The following C1orf52 variants were observed in gnomAD, a reference collection of about 807,000 sequenced individuals.
C1orf52 encodes chromosome 1 open reading frame 52, also known as UPF0690 protein C1orf52.
Under a neutral mutation model 17.2 loss-of-function variants are expected in C1orf52, and 5 were observed. The ratio of observed to expected loss-of-function variants is 0.29; its 90% CI spans 0.15 to 0.61. The LOEUF (loss-of-function observed/expected upper bound fraction) is 0.61, where lower values mean the gene tolerates loss of function less well. Among genes scored for constraint, C1orf52 ranks in the 20% least tolerant of loss-of-function variants. The pLI, the probability that C1orf52 is intolerant of heterozygous loss-of-function variation, is 0.85. For missense variants in C1orf52, 245 were observed against 234.1 expected, an observed-to-expected ratio of 1.05 and a Z score of -0.30; for synonymous variants, 110 against 88.0, an observed-to-expected ratio of 1.25 and a Z score of -1.40.
chr1:85,254,201 C>T (rs1659869770), intron 2 of C1orf52, among the ~76,000 whole-genome samples: 2 of 152,118 alleles, frequency 1.3e-5, no homozygotes, highest in African/African-American at 2.4e-5. Flanking sequence ...AAGCACAGCA[C>T]GGTGATGTTA....
intron 2 of C1orf52, among the ~76,000 whole-genome samples, chr1:85,256,047 G>C (rs1374283890): frequency 6.6e-6 from 1 of 152,186 alleles, no homozygotes. Flanking sequence ...AAAGATGTGA[G>C]AGCACCAGCC....
rs558705581 is a variant in C1orf52 at position 85,259,445 on chromosome 1, A to C, written c.189T>G (p.Phe63Leu). The C allele has an allele frequency of 1.2e-6, 2 of 1,614,012 alleles. No individual in the cohort carries two copies. The highest frequency in any genetic ancestry group is 1.1e-5 in the South Asian group (1 of 91,070). The change falls in exon 1 of 3, where the codon TTT becomes TTG. Residue 63 changes from phenylalanine to leucine, a missense_variant. By Grantham distance (22) the Phe-to-Leu change is conservative (BLOSUM62 0). Transcript: ENST00000471115. ...EKRLPGPDELFRSVTRPAFLY... is the reference protein window; with the variant it reads ...EKRLPGPDELLRSVTRPAFLY... ...GAAAGGCCGGGCGAGTCACGCTCCT[A>C]AACAGCTCGTCAGGTCCCGGGAGCC...
At position 85,252,521 on chromosome 1, in the gene C1orf52, G is replaced by A. The variant is rs1444188493; in HGVS notation, c.*108C>T. On this transcript the variant is annotated 3_prime_UTR_variant, in exon 3 of 3. Coordinates refer to ENST00000471115, the MANE Select transcript of C1orf52 (RefSeq NM_198077.4). ...AGGCAATACTTATTAGTTCATTAAC[G>A]TATGCATTTTCATGGAGATGTGGCA... 1.3e-5 allele frequency: 11 copies of A among 831,172 alleles called. No homozygotes were observed. Among genetic ancestry groups the A allele is most frequent in the Non-Finnish European group, 2.0e-5 (10 of 501,452 alleles). 51.5% of individuals were successfully genotyped at this position (831,172 alleles called of 1,614,324 possible). A position where few individuals can be genotyped will look rare whatever the true frequency, so the allele number is the denominator to read the frequency against.
At chr1:85,253,305 C>T (rs1659847954) in intron 2 of C1orf52, among the ~76,000 whole-genome samples, 1 of 152,090 alleles carries the variant, frequency 6.6e-6, no homozygotes, top group Non-Finnish European at 1.5e-5. Context: ...AAATAGGTAT[C>T]ACTCTAACGA....
At chr1:85,259,133 G>A (rs1660023760) in intron 1 of C1orf52, 1 of 1,253,386 alleles carries the variant, frequency 8.0e-7, no homozygotes, top group Non-Finnish European at 1.1e-6. Flanking sequence ...CGAGCGCGGA[G>A]GTTTGGGTCT....
In C1orf52 at chr1:85,258,130, G is replaced by A. The variant is rs201965310; in HGVS notation, c.475+394C>T. On this transcript the variant is annotated intron_variant, in intron 2 of 2. Transcript: ENST00000471115. ...AGCGAAATGCTGTCTCAAAAAAAAA[G>A]AAAAAAAAAAAGAAAAAGAAGAAAA... Among the ~76,000 whole-genome samples, 451 of 138,498 alleles carry A rather than the reference G, an allele frequency of 3.3e-3. 2 individuals carry two copies. Among genetic ancestry groups the A allele is most frequent in the African/African-American group, 5.2e-3 (198 of 37,894 alleles). The allele number at this position is 138,498 out of a possible 152,430, so 90.9% of individuals were successfully genotyped here. A position where few individuals can be genotyped will look rare whatever the true frequency, so the allele number is the denominator to read the frequency against.
Position 85,258,535 on chromosome 1 carries a change from G to T in C1orf52, c.464C>A (p.Thr155Lys). The change falls in exon 2 of 3, where the codon ACG becomes AAG. Residue 155 changes from threonine to lysine, a missense_variant. Thr to Lys is a moderately conservative substitution (Grantham distance 78, BLOSUM62 -1). Coordinates refer to ENST00000471115, the MANE Select transcript of C1orf52 (RefSeq NM_198077.4). ...KARLLPEGEE[T>K]LESDDEKDEH... ...CTGACTTTCCTTACCTGATTCCAAC[G>T]TCTCCTCCCCTTCTGGTAGAAGCCT... 1 of 1,613,638 alleles carries T rather than the reference G, an allele frequency of 6.2e-7. No individual in the cohort carries two copies. The highest frequency in any genetic ancestry group is 8.5e-7 in the Non-Finnish European group (1 of 1,179,782).
At chr1:85,252,812 G>T in intron 2 of C1orf52, 110 bp from the exon 3 acceptor site, 5 of 667,136 alleles carry the variant, frequency 7.5e-6, no homozygotes, top group South Asian at 3.8e-5. Flanking sequence ...ATCAATTAAT[G>T]TTTCTCTCAG....
rs747666076 is a variant in C1orf52 at position 85,259,371 on chromosome 1, T to G, written c.263A>C (p.Lys88Thr). The G allele has an allele frequency of 6.1e-5, 98 of 1,611,248 alleles. No homozygotes were observed. Among genetic ancestry groups the G allele is most frequent in the Non-Finnish European group, 7.8e-5 (92 of 1,177,736 alleles). The part of the protein sequence containing the change: ...KQIDWERHVV[K>T]APEEPPKEFK... ...CGGGGACCTCACCTCCTCAGGCGCC[T>G]TGACGACGTGCCTCTCCCAGTCTAT... Residue 88 changes from lysine to threonine, a missense_variant, in exon 1 of 3, where the codon AAG (lysine) becomes ACG (threonine). Lys to Thr is a moderately conservative substitution (Grantham distance 78). Transcript: ENST00000471115.
At chr1:85,258,416 T>C (rs918807858) in intron 2 of C1orf52, 108 bp downstream of exon 2, 18 of 1,036,302 alleles carry the variant, frequency 1.7e-5, no homozygotes, top group Middle Eastern at 2.2e-4. Flanking sequence ...ACCATCAAAT[T>C]AGTTTGTCAA....
rs780068052 is a variant in C1orf52, at chr1:85,259,466, G to C, written c.168C>G (p.Leu56=). The C allele has an allele frequency of 5.0e-6, 8 of 1,613,980 alleles. No individual in the cohort carries two copies. Among genetic ancestry groups the C allele is most frequent in the Non-Finnish European group, 6.8e-6 (8 of 1,180,014 alleles). ...TCCTAAACAGCTCGTCAGGTCCCGGGAGCCGCTTCTCCGCCTTGTTCCTAC... is the reference window on the plus strand; with the variant it reads ...TCCTAAACAGCTCGTCAGGTCCCGGCAGCCGCTTCTCCGCCTTGTTCCTAC... The part of the protein sequence containing the change: ...GGCRNKAEKR[L]PGPDELFRSV... Residue 56 remains leucine (L), a synonymous_variant, in exon 1 of 3, where the codon CTC becomes CTG. Coordinates refer to ENST00000471115, the MANE Select transcript of C1orf52 (RefSeq NM_198077.4).
intron 2 of C1orf52, 30 bp downstream of exon 2, chr1:85,258,494 A>G (rs1288374074): frequency 6.4e-7 from 1 of 1,573,922 alleles, no homozygotes; most frequent in Non-Finnish European, 8.7e-7. Flanking sequence ...GGATCAAAAT[A>G]GACCACCATC....
Position 85,250,649 on chromosome 1 carries a change from AAG to A in C1orf52, c.*1978_*1979del, listed in dbSNP as rs1018221794. ...AACATACTCTGCACATCTCCCAGGA[AAG>A]AGAGAAAAAAGTTTGCTTTCATGCT... On this transcript the variant is annotated 3_prime_UTR_variant, in exon 3 of 3. Transcript: ENST00000471115. 3.9e-5 allele frequency: 6 copies of A among 152,226 alleles called. No homozygotes were observed. Among genetic ancestry groups the A allele is most frequent in the Admixed American group, 6.5e-5 (1 of 15,284 alleles). The allele number at this position is 152,226 out of a possible 1,614,324, so 9.4% of individuals were successfully genotyped here.
At position 85,259,586 on chromosome 1, in the gene C1orf52, C is replaced by G; in HGVS notation, c.48G>C (p.Gly16=). The G allele has an allele frequency of 3.1e-6, 5 of 1,597,804 alleles. No homozygotes were observed. Among genetic ancestry groups the G allele is most frequent in the Non-Finnish European group, 4.3e-6 (5 of 1,173,066 alleles). The part of the protein sequence containing the change: ...KDPLSYFAAY[G]SSSSGSSDEE... ...CGTCCGAGGAGCCTGAGCTGCTGCT[C>G]CCGTATGCCGCAAAATAGCTCAGAG... The change falls in exon 1 of 3, where the codon GGG becomes GGC. Residue 16 remains glycine (G), a synonymous_variant. Transcript: ENST00000471115.
At position 85,252,104 on chromosome 1, in the gene C1orf52, A is replaced by T. The variant is rs182282881; in HGVS notation, c.*525T>A. On this transcript the variant is annotated 3_prime_UTR_variant, in exon 3 of 3. Coordinates refer to ENST00000471115, the MANE Select transcript of C1orf52 (RefSeq NM_198077.4). ...ACACAGGAGGCACTCTTTAAATGGT[A>T]ATACTTCTTATTACAACTTAAAATG... The T allele has an allele frequency of 6.5e-6, 1 of 152,846 alleles. No homozygotes were observed. Among genetic ancestry groups the T allele is most frequent in the East Asian group, 1.9e-4 (1 of 5,202 alleles). The allele number at this position is 152,846 out of a possible 1,614,324, so 9.5% of individuals were successfully genotyped here. A position where few individuals can be genotyped will look rare whatever the true frequency, so the allele number is the denominator to read the frequency against.
intron 2 of C1orf52, chr1:85,257,407 G>A (rs1298632797): frequency 2.8e-6 from 2 of 712,902 alleles, no homozygotes; most frequent in Admixed American, 4.1e-5. Context: ...AAAGAATAAG[G>A]TGCAACGTAT....
chr1:85,257,324 C>A, intron 2 of C1orf52: 2 of 632,180 alleles, frequency 3.2e-6, no homozygotes, highest in Middle Eastern at 2.6e-4. Flanking sequence ...AGAGGTGATA[C>A]CTGAGATTTC....
intron 2 of C1orf52, among the ~76,000 whole-genome samples, chr1:85,253,298 T>C (rs1659847787): frequency 1.3e-5 from 2 of 152,190 alleles, no homozygotes; most frequent in African/African-American, 4.8e-5. Context: ...TTACAAAAAA[T>C]AGGTATCACT....
chr1:85,252,974 T>C (rs1033353024), intron 2 of C1orf52, among the ~76,000 whole-genome samples: 1 of 152,202 alleles, frequency 6.6e-6, no homozygotes, highest in African/African-American at 2.4e-5. Context: ...ATAAGTGACT[T>C]TACTTCCCCC....
Sources: gnomAD v4.1 joint callset for allele counts (sites outside exome capture counted in the v4.1 genomes callset) on GRCh38, gnomAD v4.1.1 for gene constraint, MANE v1.5 for transcripts, NCBI Gene and HGNC (gene_info 2026-07-23, HGNC 2026-07-21) for gene names.